Variants in RBFOX1 observed in about 807,000 individuals in gnomAD.
RBFOX1 encodes RNA binding protein fox-1 homolog 1.
In RBFOX1, 8 loss-of-function variants were observed where a neutral mutation model predicts 57.7. The ratio of observed to expected loss-of-function variants is 0.14; its 90% confidence interval spans 0.08 to 0.25. The LOEUF (loss-of-function observed/expected upper bound fraction) is 0.25. Ranked by LOEUF, RBFOX1 falls within the 10% of genes least tolerant of loss-of-function variation. The pLI is 1.00. For synonymous variants in RBFOX1, 326 were observed against 222.4 expected, an observed-to-expected ratio of 1.47 and a Z score of -4.15; for missense variants, 611 against 548.5, an observed-to-expected ratio of 1.11 and a Z score of -1.14.
At chr16:7,647,245 T>C (rs2063927005) in intron 11 of RBFOX1, among the ~76,000 whole-genome samples, 1 of 152,226 alleles carries the variant, frequency 6.6e-6, no homozygotes, top group African/African-American at 2.4e-5. Flanking sequence ...AATTCTCATG[T>C]GTCAACAAGA....
chr16:5,730,066 C>T (rs575628660), intron 3 of RBFOX1, among the ~76,000 whole-genome samples: 4 of 152,180 alleles, frequency 2.6e-5, no homozygotes, highest in Admixed American at 6.5e-5. Flanking sequence ...CACAGTGCAT[C>T]TGATCAGAGG....
intron 2 of RBFOX1, among the ~76,000 whole-genome samples, chr16:6,455,795 C>T (rs1340933729): frequency 6.6e-6 from 1 of 152,014 alleles, no homozygotes; most frequent in Non-Finnish European, 1.5e-5. Flanking sequence ...ATCTCTAGTT[C>T]CAAAAAGGGT....
intron 1 of RBFOX1, among the ~76,000 whole-genome samples, chr16:5,383,394 C>T (rs1424176734): frequency 6.6e-6 from 1 of 152,242 alleles, no homozygotes; most frequent in African/African-American, 2.4e-5. Flanking sequence ...TGGGTCTCCT[C>T]TAACCCAAGG....
At chr16:5,800,785 C>A (rs374526776) in intron 3 of RBFOX1, among the ~76,000 whole-genome samples, 1 of 152,248 alleles carries the variant, frequency 6.6e-6, no homozygotes, top group African/African-American at 2.4e-5. Context: ...GCAAGGAAGA[C>A]GTCCTAGTGC....
At chr16:7,361,446 C>G (rs933382597) in intron 4 of RBFOX1, among the ~76,000 whole-genome samples, 1 of 152,132 alleles carries the variant, frequency 6.6e-6, no homozygotes, top group African/African-American at 2.4e-5. Context: ...GAACGGTTTC[C>G]TTTTACTTGG....
At chr16:6,035,172 C>T (rs1048505728) in intron 1 of RBFOX1, among the ~76,000 whole-genome samples, 3 of 152,174 alleles carry the variant, frequency 2.0e-5, no homozygotes, top group Admixed American at 1.3e-4. Flanking sequence ...TGCCAAACGT[C>T]CCTGGGGTAG....
At chr16:5,702,241 C>T (rs2051077066) in intron 3 of RBFOX1, among the ~76,000 whole-genome samples, 1 of 152,156 alleles carries the variant, frequency 6.6e-6, no homozygotes, top group South Asian at 2.1e-4. Flanking sequence ...ACAATTATAG[C>T]AGAAGGTGAA....
intron 1 of RBFOX1, among the ~76,000 whole-genome samples, chr16:6,206,922 T>C (rs2097259113): frequency 6.6e-6 from 1 of 152,124 alleles, no homozygotes; most frequent in Admixed American, 6.5e-5. Flanking sequence ...TTTCAGCACA[T>C]GGTGAGCACC....
At chr16:7,437,843 G>T (rs1375633748) in intron 4 of RBFOX1, among the ~76,000 whole-genome samples, 1 of 151,616 alleles carries the variant, frequency 6.6e-6, no homozygotes, top group African/African-American at 2.4e-5. Context: ...TTGACAGGAG[G>T]CAGTCCATTG....
rs2152237677 is a variant in RBFOX1 at position 5,925,756 on chromosome 16, TCTC to T, written c.351+58422_351+58424del. ...TGTATGTGTAAAACCAGGTTGTTTT[TCTC>T]AGTCTCTCAGGTCTCTTCCACCCTC... is the stretch of plus-strand genomic sequence containing the variant. On this transcript the variant is annotated intron_variant, in intron 4 of 19. Coordinates refer to the RBFOX1 transcript ENST00000641259. Among the ~76,000 whole-genome samples, 3 of 152,310 alleles carry T rather than the reference TCTC, an allele frequency of 2.0e-5. No homozygotes were observed. In the South Asian group the frequency reaches 6.2e-4, roughly 32 times the overall value.
chr16:6,348,632 G>A (rs810520), intron 2 of RBFOX1, among the ~76,000 whole-genome samples: 32,707 of 152,114 alleles, frequency 0.22, 3,873 homozygotes, highest in Middle Eastern at 0.32. Flanking sequence ...TACTCATGAC[G>A]GAAGGCAAAG....
chr16:6,577,886 A>G (rs1272930138), intron 2 of RBFOX1, among the ~76,000 whole-genome samples: 2 of 152,206 alleles, frequency 1.3e-5, no homozygotes, highest in African/African-American at 2.4e-5. Context: ...TATTAAACAA[A>G]CGAGGCAATC....
At chr16:5,784,440 A>G (rs1222929774) in intron 3 of RBFOX1, among the ~76,000 whole-genome samples, 1 of 151,646 alleles carries the variant, frequency 6.6e-6, no homozygotes, top group East Asian at 1.9e-4. Flanking sequence ...CAAAAAAAAA[A>G]GAGGAAGCAG....
At chr16:6,439,670 C>A (rs1259795407) in intron 2 of RBFOX1, among the ~76,000 whole-genome samples, 1 of 152,090 alleles carries the variant, frequency 6.6e-6, no homozygotes, top group Non-Finnish European at 1.5e-5. Context: ...CTTCTAGTTG[C>A]TAAGCAACCC....
At chr16:5,424,276 G>T (rs545752462) in intron 1 of RBFOX1, among the ~76,000 whole-genome samples, 1 of 152,280 alleles carries the variant, frequency 6.6e-6, no homozygotes, top group East Asian at 1.9e-4. Context: ...GATCAAAATC[G>T]TGTTTATTAT....
chr16:6,938,785 A>G (rs2077809128), intron 3 of RBFOX1, among the ~76,000 whole-genome samples: 1 of 152,260 alleles, frequency 6.6e-6, no homozygotes, highest in African/African-American at 2.4e-5. Flanking sequence ...TCCAAAAATT[A>G]GCTGGGTGTG....
At chr16:7,393,077 T>C (rs897452992) in intron 4 of RBFOX1, among the ~76,000 whole-genome samples, 3 of 152,180 alleles carry the variant, frequency 2.0e-5, no homozygotes, top group African/African-American at 4.8e-5. Context: ...TTTCACCATG[T>C]TGGCCAGGCT....
chr16:6,825,628 G>C (rs1349561885), intron 3 of RBFOX1, among the ~76,000 whole-genome samples: 1 of 152,142 alleles, frequency 6.6e-6, no homozygotes, highest in Non-Finnish European at 1.5e-5. Context: ...CTCCCTGGGA[G>C]TGGGTATTTA....
chr16:7,351,631 A>C (rs892747241), intron 4 of RBFOX1, among the ~76,000 whole-genome samples: 4 of 152,052 alleles, frequency 2.6e-5, no homozygotes, highest in Admixed American at 6.6e-5. Flanking sequence ...TTGTCTTGAA[A>C]TTTTTCACCC....
Sources: gnomAD v4.1 joint callset for allele counts (sites outside exome capture counted in the v4.1 genomes callset) on GRCh38, gnomAD v4.1.1 for gene constraint, MANE v1.5 for transcripts, NCBI Gene and HGNC (gene_info 2026-07-23, HGNC 2026-07-21) for gene names.